CALN1: variants seen among roughly 807,000 people sequenced by gnomAD.
The protein encoded by CALN1 is calneuron 1.
CALN1 carries 17 observed loss-of-function variants against 30.6 expected under a neutral mutation model. That is an observed-to-expected ratio of 0.56 (90% CI 0.38 to 0.83). The LOEUF (loss-of-function observed/expected upper bound fraction) is 0.83. Among genes scored for constraint, CALN1 ranks in the 40% least tolerant of loss-of-function variants. CALN1 has a pLI of 0.00. For synonymous variants in CALN1, 156 were observed against 131.4 expected, an observed-to-expected ratio of 1.19 and a Z score of -1.28; for missense variants, 291 against 354.9, an observed-to-expected ratio of 0.82 and a Z score of 1.45.
intron 5 of CALN1, among the ~76,000 whole-genome samples, chr7:71,924,021 C>T (rs1436256322): frequency 2.0e-5 from 3 of 151,964 alleles, no homozygotes; most frequent in Middle Eastern, 3.4e-3. Flanking sequence ...GGTGAAACCC[C>T]GTCTGAACTA....
chr7:71,973,880 T>C (rs1439819843), intron 5 of CALN1, among the ~76,000 whole-genome samples: 1 of 152,152 alleles, frequency 6.6e-6, no homozygotes, highest in East Asian at 1.9e-4. Flanking sequence ...TAATTATCAA[T>C]GTGTCTCAGA....
intron 2 of CALN1, among the ~76,000 whole-genome samples, chr7:72,313,708 ATTT>A (rs1045267100): frequency 3.4e-4 from 39 of 115,650 alleles, no homozygotes; most frequent in Admixed American, 6.5e-4. Flanking sequence ...GGATTAAAAA[ATTT>A]AATGATGGGA....
intron 2 of CALN1, among the ~76,000 whole-genome samples, chr7:72,300,557 A>G (rs1387303168): frequency 6.6e-6 from 1 of 152,250 alleles, no homozygotes; most frequent in African/African-American, 2.4e-5. Context: ...ATAATGTACC[A>G]CTAACTCTAA....
intron 4 of CALN1, among the ~76,000 whole-genome samples, chr7:72,079,518 T>G (rs1804972035): frequency 6.6e-6 from 1 of 152,146 alleles, no homozygotes; most frequent in Admixed American, 6.5e-5. Context: ...GTGTTTGCCA[T>G]TTTGAAAGTA....
At chr7:71,991,258 A>G (rs998174605) in intron 5 of CALN1, among the ~76,000 whole-genome samples, 9 of 152,200 alleles carry the variant, frequency 5.9e-5, no homozygotes, top group Non-Finnish European at 1.2e-4. Context: ...CAGGAGTTTG[A>G]GACCAGCTTG....
At chr7:72,262,999 A>G (rs905833026) in intron 3 of CALN1, among the ~76,000 whole-genome samples, 2 of 152,184 alleles carry the variant, frequency 1.3e-5, no homozygotes, top group Non-Finnish European at 2.9e-5. Flanking sequence ...AGGCATTTAC[A>G]TTGTGAAGTG....
chr7:71,831,970 A>C (rs1789315626), intron 5 of CALN1, among the ~76,000 whole-genome samples: 2 of 152,032 alleles, frequency 1.3e-5, no homozygotes, highest in Non-Finnish European at 2.9e-5. Flanking sequence ...AAGTAATACA[A>C]ATATAAGACA....
chr7:72,046,709 TAAAAAAAAAAAAAAAA>T (rs59664699), intron 4 of CALN1, among the ~76,000 whole-genome samples: 3 of 51,860 alleles, frequency 5.8e-5, no homozygotes, highest in Non-Finnish European at 7.2e-5. Flanking sequence ...GACTCCCTCT[TAAAAAAAAAAAAAAAA>T]AAAAAAAAAA....
intron 4 of CALN1, among the ~76,000 whole-genome samples, chr7:72,088,291 G>A (rs148805687): frequency 1.3e-5 from 2 of 152,236 alleles, no homozygotes; most frequent in Non-Finnish European, 2.9e-5. Flanking sequence ...CCTGGATAAT[G>A]ATTACATCCT....
chr7:72,124,459 GC>G (rs1350279605), intron 3 of CALN1, among the ~76,000 whole-genome samples: 1 of 152,092 alleles, frequency 6.6e-6, no homozygotes, highest in African/African-American at 2.4e-5. Context: ...GGGTAACACA[GC>G]CAGAACCCGT....
At chr7:72,301,246 G>C (rs1485810301) in intron 2 of CALN1, among the ~76,000 whole-genome samples, 1 of 152,004 alleles carries the variant, frequency 6.6e-6, no homozygotes, top group Non-Finnish European at 1.5e-5. Context: ...GTGGACAGGG[G>C]GTGACTGATT....
chr7:72,472,654 C>T, the CALN1 span, among the ~76,000 whole-genome samples: 1 of 152,056 alleles, frequency 6.6e-6, no homozygotes, highest in African/African-American at 2.4e-5. Context: ...TGGTGGCGGG[C>T]GCCTGTAGTC....
Position 72,409,232 on chromosome 7 carries a change from G to A in CALN1, c.-74+2826C>T, listed in dbSNP as rs558708163. On this transcript the variant is annotated intron_variant, in intron 1 of 6. Transcript: ENST00000395275. ...GCTGGTCTCCAAGTCCTGACCTCATGATCTACCCGCCTCGGCCTCCCAAAA... is the reference window on the plus strand; with the variant it reads ...GCTGGTCTCCAAGTCCTGACCTCATAATCTACCCGCCTCGGCCTCCCAAAA... Among the ~76,000 whole-genome samples, 467 of 150,868 alleles carry A rather than the reference G, an allele frequency of 3.1e-3. 3 individuals are homozygous for A. Among genetic ancestry groups the A allele is most frequent in the Middle Eastern group, 0.017 (5 of 286 alleles).
intron 3 of CALN1, among the ~76,000 whole-genome samples, chr7:72,189,753 G>A (rs527508160): frequency 3.4e-4 from 46 of 134,522 alleles, no homozygotes; most frequent in African/African-American, 5.0e-4. Flanking sequence ...AGGCGACAGC[G>A]CCAGACTTTG....
chr7:72,489,038 A>T, the CALN1 span, among the ~76,000 whole-genome samples: 1 of 152,102 alleles, frequency 6.6e-6, no homozygotes, highest in Non-Finnish European at 1.5e-5. Flanking sequence ...TTTTTCTTCT[A>T]AACTCAATCC....
At chr7:72,119,895 A>T (rs1224999292) in intron 3 of CALN1, among the ~76,000 whole-genome samples, 5 of 152,192 alleles carry the variant, frequency 3.3e-5, no homozygotes, top group Non-Finnish European at 7.3e-5. Flanking sequence ...TTGGGTGAGG[A>T]CACAGCCAAA....
At position 72,330,646 on chromosome 7, in the gene CALN1, T is replaced by G. The variant is rs532329051; in HGVS notation, c.120-51836A>C. Among the ~76,000 whole-genome samples, 18 of 152,348 alleles carry G rather than the reference T, an allele frequency of 1.2e-4. No homozygotes were observed. In the South Asian group the frequency reaches 3.7e-3, roughly 32 times the overall value. On this transcript the variant is annotated intron_variant, in intron 2 of 6. Transcript: ENST00000395275. ...CGAATTCATCATTTTCCCCAGTACC[T>G]GAACCAGAGATGCTCAATACATTCT...
intron 2 of CALN1, among the ~76,000 whole-genome samples, chr7:72,365,721 A>G (rs1004698795): frequency 1.3e-5 from 2 of 152,084 alleles, no homozygotes; most frequent in Admixed American, 6.5e-5. Context: ...GTGAGCAACT[A>G]TGCCTGACCT....
At chr7:71,962,463 C>T (rs1031687115) in intron 5 of CALN1, among the ~76,000 whole-genome samples, 6 of 152,136 alleles carry the variant, frequency 3.9e-5, no homozygotes, top group African/African-American at 1.4e-4. Flanking sequence ...ATACCGAGTC[C>T]ATGCTGCGAA....
Sources: allele counts gnomAD v4.1 joint callset (sites outside exome capture counted in the v4.1 genomes callset), GRCh38; gene constraint gnomAD v4.1.1; transcripts MANE v1.5; gene names NCBI Gene and HGNC (gene_info 2026-07-23, HGNC 2026-07-21).